The following OTUD3 variants were observed in gnomAD, a reference collection of about 807,000 sequenced individuals.
OTUD3 encodes OTU domain-containing protein 3.
Under a neutral mutation model 46.2 loss-of-function variants are expected in OTUD3, and 24 were observed. That is an observed-to-expected ratio of 0.52 (90% CI 0.38 to 0.73). The LOEUF is 0.73. OTUD3 is among the 30% of genes least tolerant of loss of function. The probability of loss-of-function intolerance (pLI) is 0.00; values close to 1 mark genes in which losing one functional copy is unlikely to be tolerated. For missense variants in OTUD3, 455 were observed against 523.3 expected (o/e 0.87, Z 1.27); for synonymous variants, 189 against 195.4 (o/e 0.97, Z 0.27).
In OTUD3 at chr1:19,907,710, C is replaced by G. The variant is rs2045682188; in HGVS notation, c.1161C>G (p.Val387=). 1 of 1,614,216 alleles carries G rather than the reference C, an allele frequency of 6.2e-7. No individual in the cohort carries two copies. The highest frequency in any genetic ancestry group is 1.3e-5 in the African/African-American group (1 of 75,050). Reference sequence around the variant, plus strand: ...GCGAAGCAGAGGCGAACACGCAGGTCACCTTGGTGAAGACCTTCGCCGCTC... The same window carrying G: ...GCGAAGCAGAGGCGAACACGCAGGTGACCTTGGTGAAGACCTTCGCCGCTC... The part of the protein sequence containing the change: ...NRSEAEANTQ[V]TLVKTFAALN... The change falls in exon 8 of 8, where the codon GTC becomes GTG. Residue 387 remains valine (V), a synonymous_variant. Coordinates refer to ENST00000375120, the MANE Select transcript of OTUD3 (RefSeq NM_015207.2).
rs1295982214 is a variant in OTUD3 at position 19,882,621 on chromosome 1, G to C, written c.108G>C (p.Glu36Asp). 3 of 1,458,850 alleles carry C rather than the reference G, an allele frequency of 2.1e-6. No individual in the cohort carries two copies. 90.4% of individuals were successfully genotyped at this position (1,458,850 alleles called of 1,614,324 possible). The part of the protein sequence containing the change: ...ERAARRALAK[E>D]RRNRPESGGG... Reference sequence around the variant, plus strand: ...CGGCGCGCCGGGCCCTGGCCAAGGAGCGGCGGAATCGGCCGGAGTCTGGCG... The same window carrying C: ...CGGCGCGCCGGGCCCTGGCCAAGGACCGGCGGAATCGGCCGGAGTCTGGCG... The change falls in exon 1 of 8, where the codon GAG becomes GAC. Residue 36 changes from glutamate to aspartate, a missense_variant. Glu to Asp is a conservative substitution (Grantham distance 45, BLOSUM62 2). Transcript: ENST00000375120.
intron 2 of OTUD3, among the ~76,000 whole-genome samples, chr1:19,892,653 A>G (rs184860374): frequency 1.9e-3 from 290 of 152,232 alleles, no homozygotes; most frequent in Non-Finnish European, 3.3e-3. Context: ...CGTTCATTAC[A>G]TGTTATCACT....
At position 19,909,841 on chromosome 1, in the gene OTUD3, A is replaced by C. The variant is rs2045711752; in HGVS notation, c.*2095A>C. 6.6e-6 allele frequency: 1 copy of C among 152,342 alleles called. No individual in the cohort carries two copies. The highest frequency in any genetic ancestry group is 1.5e-5 in the Non-Finnish European group (1 of 68,040). 9.4% of individuals were successfully genotyped at this position (152,342 alleles called of 1,614,324 possible). Reference sequence around the variant, plus strand: ...GAACATTTATTTTTTAAATTACCTAATTCTGGTAATAGGCTTCAGCATTTC... The same window carrying C: ...GAACATTTATTTTTTAAATTACCTACTTCTGGTAATAGGCTTCAGCATTTC... On this transcript the variant is annotated 3_prime_UTR_variant, in exon 8 of 8. Coordinates refer to ENST00000375120, the MANE Select transcript of OTUD3 (RefSeq NM_015207.2).
At position 19,892,953 on chromosome 1, in the gene OTUD3, A is replaced by G. The variant is rs987285268; in HGVS notation, c.371-1415A>G. ...TTGCCATTCCCCCCAACATTTTCTC[A>G]CTTCCTCCACCTCTCCATCTCAGCA... On this transcript the variant is annotated intron_variant, in intron 2 of 7. Coordinates refer to ENST00000375120, the MANE Select transcript of OTUD3 (RefSeq NM_015207.2). Among the ~76,000 whole-genome samples the G allele has an allele frequency of 5.3e-5, 8 of 151,198 alleles. No individual in the cohort carries two copies. In the East Asian group the frequency reaches 1.6e-3, roughly 29 times the overall value.
At chr1:19,883,655 T>C (rs1441707001) in intron 1 of OTUD3, among the ~76,000 whole-genome samples, 2 of 131,868 alleles carry the variant, frequency 1.5e-5, no homozygotes, top group African/African-American at 5.3e-5. Flanking sequence ...TTATTATTGT[T>C]ATTTTGTAGA....
intron 1 of OTUD3, among the ~76,000 whole-genome samples, chr1:19,887,853 AT>A (rs2045390115): frequency 6.6e-6 from 1 of 152,160 alleles, no homozygotes; most frequent in South Asian, 2.1e-4. Flanking sequence ...ACCCCAAATA[AT>A]AAAACCTTTT....
chr1:19,890,232 C>T (rs978332479), intron 1 of OTUD3, among the ~76,000 whole-genome samples, 153 bp from the exon 2 acceptor site: 2 of 152,190 alleles, frequency 1.3e-5, no homozygotes, highest in East Asian at 1.9e-4. Context: ...TGCTGTCCCC[C>T]GTGGTCTTGG....
chr1:19,904,475 C>T (rs1466083460), intron 5 of OTUD3, 77 bp downstream of exon 5: 1 of 1,388,392 alleles, frequency 7.2e-7, no homozygotes, highest in Non-Finnish European at 9.9e-7. Context: ...TTTCGTAGCA[C>T]CTCTCTAGCA....
intron 4 of OTUD3, among the ~76,000 whole-genome samples, chr1:19,898,136 T>C (rs4654922): frequency 0.54 from 80,851 of 151,116 alleles, 22,097 homozygotes; most frequent in African/African-American, 0.61. Context: ...TTAGTAGAGA[T>C]GGGGTTTCTC....
intron 4 of OTUD3, among the ~76,000 whole-genome samples, chr1:19,901,109 C>T (rs374850255): frequency 1.1e-3 from 167 of 152,036 alleles, no homozygotes; most frequent in African/African-American, 3.7e-3. Context: ...GGGGTTTCAC[C>T]GTGTTGGCCA....
intron 7 of OTUD3, chr1:19,906,840 C>A: frequency 2.5e-6 from 1 of 407,950 alleles, no homozygotes; most frequent in Non-Finnish European, 4.4e-6. Context: ...AAATTGTCCT[C>A]AGTGTACAAA....
At chr1:19,905,652 A>T (rs1364640643) in intron 6 of OTUD3, among the ~76,000 whole-genome samples, 1 of 152,006 alleles carries the variant, frequency 6.6e-6, no homozygotes, top group African/African-American at 2.4e-5. Flanking sequence ...GAGGCAGGAG[A>T]ATTGCTTGAA....
chr1:19,896,343 ATTC>A lies in OTUD3; in HGVS notation c.484-1193_484-1191del, dbSNP rs2045518012. On this transcript the variant is annotated intron_variant, in intron 3 of 7. Coordinates refer to ENST00000375120, the MANE Select transcript of OTUD3 (RefSeq NM_015207.2). ...AGTCACAGTTAACAATTTGGTGAAT[ATTC>A]TTCCAGTTAGGTTTTCTATTCATAA... Among the ~76,000 whole-genome samples, 5 of 146,804 alleles carry A rather than the reference ATTC, an allele frequency of 3.4e-5. No individual in the cohort carries two copies. In the Admixed American group the frequency reaches 3.5e-4, roughly 10 times the overall value.
chr1:19,901,187 G>A (rs907558030), intron 4 of OTUD3, among the ~76,000 whole-genome samples: 2 of 152,150 alleles, frequency 1.3e-5, no homozygotes, highest in Non-Finnish European at 1.5e-5. Flanking sequence ...TGGGGTTACA[G>A]GCGTGAGCCA....
intron 1 of OTUD3, among the ~76,000 whole-genome samples, chr1:19,884,048 GCAGT>G: frequency 6.6e-6 from 1 of 152,314 alleles, no homozygotes; most frequent in Admixed American, 6.5e-5. Flanking sequence ...TACATGGAAG[GCAGT>G]CAGTACGTTT....
At chr1:19,897,886 G>A (rs2045538023) in intron 4 of OTUD3, 1 of 410,072 alleles carries the variant, frequency 2.4e-6, no homozygotes, top group South Asian at 3.9e-5. Context: ...AGTTACAATT[G>A]TATGTGTATA....
At chr1:19,898,274 G>A (rs747131194) in intron 4 of OTUD3, among the ~76,000 whole-genome samples, 1 of 151,848 alleles carries the variant, frequency 6.6e-6, no homozygotes, top group Non-Finnish European at 1.5e-5. Flanking sequence ...TCTGAAATCT[G>A]AAAACTATAG....
At chr1:19,899,164 T>G (rs570869269) in intron 4 of OTUD3, among the ~76,000 whole-genome samples, 1 of 152,306 alleles carries the variant, frequency 6.6e-6, no homozygotes, top group Admixed American at 6.5e-5. Flanking sequence ...TCAAAATATG[T>G]AATGGGATAT....
intron 5 of OTUD3, 113 bp from the exon 6 acceptor site, chr1:19,904,778 G>C: frequency 1.4e-5 from 9 of 646,018 alleles, no homozygotes; most frequent in African/African-American, 1.8e-5. Context: ...CTGAAACCTT[G>C]TGTTAATTCT....
Sources: allele counts gnomAD v4.1 joint callset (sites outside exome capture counted in the v4.1 genomes callset), GRCh38; gene constraint gnomAD v4.1.1; transcripts MANE v1.5; gene names NCBI Gene and HGNC (gene_info 2026-07-23, HGNC 2026-07-21).